The following FLT1 variants were observed in gnomAD, a reference collection of about 807,000 sequenced individuals.
FLT1 encodes fms related receptor tyrosine kinase 1.
Under a neutral mutation model 156.3 loss-of-function variants are expected in FLT1, and 49 were observed. That is an observed-to-expected ratio of 0.31 (90% confidence interval 0.25 to 0.40). FLT1 has a LOEUF of 0.40. Among genes scored for constraint, FLT1 ranks in the 10% least tolerant of loss-of-function variants. The pLI, the probability that FLT1 is intolerant of heterozygous loss-of-function variation, is 1.00. For missense variants in FLT1, 1,322 were observed against 1,637.2 expected (o/e 0.81, Z 3.32); for synonymous variants, 594 against 583.8 (o/e 1.02, Z -0.25).
At chr13:28,348,288 C>G (rs1163145083) in intron 15 of FLT1, among the ~76,000 whole-genome samples, 1 of 152,206 alleles carries the variant, frequency 6.6e-6, no homozygotes, top group East Asian at 1.9e-4. Flanking sequence ...TCCTATTACT[C>G]TTCTGTCTAA....
rs776196434 is a variant in FLT1, at chr13:28,389,841, A to C, written c.1924T>G (p.Tyr642Asp). The change falls in exon 13 of 30, where the codon TAC (tyrosine) becomes GAC (aspartate). Residue 642 changes from tyrosine to aspartate, a missense_variant. Physicochemically the swap from Tyr to Asp is radical, Grantham distance 160. This residue lies in a region of FLT1 where 991 missense variants were observed against 1,254.8 expected (regional missense o/e 0.79). Coordinates refer to ENST00000282397, the MANE Select transcript of FLT1 (RefSeq NM_002019.4). ...TTCTGGAGGATTTCTTCCCCTGTGTATACATTCCTGGCTCTGCAGGCATAG... is the reference window on the plus strand; with the variant it reads ...TTCTGGAGGATTTCTTCCCCTGTGTCTACATTCCTGGCTCTGCAGGCATAG... ...GTYACRARNV[Y>D]TGEEILQKKE... 2 of 1,614,026 alleles carry C rather than the reference A, an allele frequency of 1.2e-6. No homozygotes were observed. Among genetic ancestry groups the C allele is most frequent in the African/African-American group, 2.7e-5 (2 of 74,888 alleles).
intron 13 of FLT1, 63 bp downstream of exon 13, chr13:28,389,733 C>A: frequency 3.7e-6 from 6 of 1,613,286 alleles, no homozygotes; most frequent in Non-Finnish European, 5.1e-6. Flanking sequence ...GTGGTACAAT[C>A]ATTCCTTGTG....
At chr13:28,346,681 G>A (rs1004588991) in intron 15 of FLT1, among the ~76,000 whole-genome samples, 3 of 152,112 alleles carry the variant, frequency 2.0e-5, no homozygotes, top group Non-Finnish European at 2.9e-5. Flanking sequence ...CTGAACTCCC[G>A]CTTGGGCAAC....
At position 28,345,571 on chromosome 13, in the gene FLT1, C is replaced by G. The variant is rs1872534957; in HGVS notation, c.2249-20G>C. ...AGGTTCCTGGAGAGAAAAAAAATCA[C>G]AATAGTGGTGCAACAAAGAAATTCC... On this transcript the variant is annotated intron_variant, in intron 15 of 29. Transcript: ENST00000282397. 1.4e-6 allele frequency: 2 copies of G among 1,401,966 alleles called. No individual in the cohort carries two copies. Among genetic ancestry groups the G allele is most frequent in the African/African-American group, 2.8e-5 (2 of 70,540 alleles). The allele number at this position is 1,401,966 out of a possible 1,614,324, so 86.8% of individuals were successfully genotyped here.
At chr13:28,491,124 C>T (rs945072436) in intron 1 of FLT1, among the ~76,000 whole-genome samples, 6 of 93,548 alleles carry the variant, frequency 6.4e-5, no homozygotes, top group Admixed American at 1.1e-4. Context: ...TAACCTTCCT[C>T]GAGGACATTA....
chr13:28,424,464 G>C (rs1242204325), intron 10 of FLT1, among the ~76,000 whole-genome samples: 1 of 151,868 alleles, frequency 6.6e-6, no homozygotes, highest in Non-Finnish European at 1.5e-5. Flanking sequence ...TTTTTTTAAA[G>C]GGTGACATTT....
In FLT1 at chr13:28,345,557, G is replaced by A; in HGVS notation, c.2249-6C>T. 1 of 1,569,366 alleles carries A rather than the reference G, an allele frequency of 6.4e-7. No homozygotes were observed. The highest frequency in any genetic ancestry group is 1.7e-4 in the Middle Eastern group (1 of 5,922). On this transcript the variant is annotated splice_region_variant and splice_polypyrimidine_tract_variant and intron_variant, in intron 15 of 29. Coordinates refer to ENST00000282397, the MANE Select transcript of FLT1 (RefSeq NM_002019.4). ...ATTAGACTTGTCCGAGGTTCCTGGA[G>A]AGAAAAAAAATCACAATAGTGGTGC...
At chr13:28,401,595 G>T (rs1040013589) in intron 11 of FLT1, among the ~76,000 whole-genome samples, 1 of 152,136 alleles carries the variant, frequency 6.6e-6, no homozygotes, top group East Asian at 1.9e-4. Context: ...TTTTAATCTC[G>T]GGATGTTTCT....
At chr13:28,412,356 CTTTCTT>C (rs1566012976) in intron 10 of FLT1, among the ~76,000 whole-genome samples, 15 of 106,466 alleles carry the variant, frequency 1.4e-4, no homozygotes, top group African/African-American at 4.8e-4. Flanking sequence ...CTTTCTCTTT[CTTTCTT>C]TCTTTCTTTC....
chr13:28,306,289 G>T (rs1002162803), intron 29 of FLT1, among the ~76,000 whole-genome samples: 5 of 152,214 alleles, frequency 3.3e-5, no homozygotes, highest in Non-Finnish European at 7.3e-5. Flanking sequence ...CCGGAAAACA[G>T]TACTGTGTCT....
At chr13:28,409,857 T>A (rs969225750) in intron 10 of FLT1, among the ~76,000 whole-genome samples, 1 of 150,280 alleles carries the variant, frequency 6.7e-6, no homozygotes, top group South Asian at 2.1e-4. Context: ...GAGGATTCCA[T>A]GGCTTTTTTT....
chr13:28,349,362 C>G (rs1872667458), intron 15 of FLT1, among the ~76,000 whole-genome samples: 1 of 151,918 alleles, frequency 6.6e-6, no homozygotes, highest in Admixed American at 6.6e-5. Flanking sequence ...ATTGTAAGCT[C>G]AAGTTCATAT....
intron 3 of FLT1, among the ~76,000 whole-genome samples, chr13:28,446,565 A>G (rs1878630966): frequency 6.6e-6 from 1 of 152,224 alleles, no homozygotes; most frequent in South Asian, 2.1e-4. Context: ...CATCAAAAAG[A>G]ATAATGTGTT....
At chr13:28,358,976 TA>T (rs1873010805) in intron 14 of FLT1, among the ~76,000 whole-genome samples, 2 of 152,070 alleles carry the variant, frequency 1.3e-5, no homozygotes, top group Admixed American at 1.3e-4. Context: ...GATGTGGAAA[TA>T]AACAGGAATT....
At chr13:28,372,076 A>ATATATATATTTTTTT (rs1257431752) in intron 14 of FLT1, among the ~76,000 whole-genome samples, 1 of 11,764 alleles carries the variant, frequency 8.5e-5, no homozygotes, top group African/African-American at 3.2e-4. Context: ...ATATATATAT[A>ATATATATATTTTTTT]TTTTTTTTTT....
intron 1 of FLT1, among the ~76,000 whole-genome samples, chr13:28,475,562 A>C (rs1291402423): frequency 6.6e-6 from 1 of 152,216 alleles, no homozygotes; most frequent in Non-Finnish European, 1.5e-5. Flanking sequence ...AAAGGCCGAA[A>C]TCTCATAGAC....
chr13:28,368,316 C>A, intron 14 of FLT1: 1 of 579,480 alleles, frequency 1.7e-6, no homozygotes, highest in Non-Finnish European at 2.7e-6. Context: ...CCATGCCTGG[C>A]TAATTTTGTA....
At chr13:28,494,755 G>A (rs762255149) in intron 1 of FLT1, 25 bp downstream of exon 1, 6 of 1,540,228 alleles carry the variant, frequency 3.9e-6, no homozygotes, top group Non-Finnish European at 5.2e-6. Flanking sequence ...CCCGCCTCAG[G>A]CCCCGGCCCC....
chr13:28,415,887 A>T (rs1023303541), intron 10 of FLT1, among the ~76,000 whole-genome samples: 3 of 152,250 alleles, frequency 2.0e-5, no homozygotes, highest in African/African-American at 7.2e-5. Context: ...ACCTGTCCCA[A>T]GATGCAAATA....
Sources: gnomAD v4.1 joint callset for allele counts (sites outside exome capture counted in the v4.1 genomes callset) on GRCh38, gnomAD v4.1.1 for gene constraint, gnomAD v4.1.1 regional missense constraint, MANE v1.5 for transcripts, NCBI Gene and HGNC (gene_info 2026-07-23, HGNC 2026-07-21) for gene names.